ERICH6: variants seen among roughly 807,000 people sequenced by gnomAD.
ERICH6 encodes glutamate-rich protein 6.
A neutral mutation model predicts 71.0 loss-of-function variants in ERICH6; 71 were observed. The observed-to-expected ratio is 1.00, with a 90% CI of 0.83 to 1.22. The LOEUF (loss-of-function observed/expected upper bound fraction) is 1.22. ERICH6 is among the 50% of genes most tolerant of loss of function. The pLI is 0.00. For missense variants in ERICH6, 808 were observed against 797.2 expected (o/e 1.01, Z -0.16); for synonymous variants, 262 against 278.4 (o/e 0.94, Z 0.59).
intron 11 of ERICH6, among the ~76,000 whole-genome samples, chr3:150,670,768 T>C (rs987777273): frequency 2.0e-5 from 3 of 152,164 alleles, no homozygotes; most frequent in Non-Finnish European, 4.4e-5. Flanking sequence ...CTATTTTCAA[T>C]AGCATCAAAA....
chr3:150,703,524 G>C lies in ERICH6; in HGVS notation c.375C>G (p.Ser125Arg). The change falls in exon 1 of 14, where the codon AGC becomes AGG. Residue 125 changes from serine to arginine, a missense_variant. Coordinates refer to ENST00000295910, the MANE Select transcript of ERICH6 (RefSeq NM_152394.5). Reference sequence around the variant, plus strand: ...TATGCGAGGAGGTGCTGGAGGGTGGGCTTGCGCTCGGCGTTTCAGTGCTGG... The same window carrying C: ...TATGCGAGGAGGTGCTGGAGGGTGGCCTTGCGCTCGGCGTTTCAGTGCTGG... Reference protein sequence around the residue: ...SATSTETPSASPPSSTSSHKS... With the variant: ...SATSTETPSARPPSSTSSHKS... 1.2e-6 allele frequency: 2 copies of C among 1,608,470 alleles called. No homozygotes were observed. Among genetic ancestry groups the C allele is most frequent in the Non-Finnish European group, 1.7e-6 (2 of 1,177,464 alleles).
Position 150,685,961 on chromosome 3 carries a change from C to A in ERICH6, c.666+5G>T, listed in dbSNP as rs752858200. ...GTACTAGTTAGTATGATAAACATTT[C>A]TTACCTCCAGCTCATATAAAATATT... On this transcript the variant is annotated splice_donor_5th_base_variant and intron_variant, in intron 5 of 13. Transcript: ENST00000295910. 4 of 1,606,210 alleles carry A rather than the reference C, an allele frequency of 2.5e-6. No homozygotes were observed. Among genetic ancestry groups the A allele is most frequent in the Non-Finnish European group, 3.4e-6 (4 of 1,172,920 alleles).
chr3:150,670,812 C>G (rs6776589), intron 11 of ERICH6, among the ~76,000 whole-genome samples: 140,185 of 152,300 alleles, frequency 0.92, 64,572 homozygotes, highest in East Asian at 1. Context: ...TTCACTAACT[C>G]TTAATACTCA....
intron 2 of ERICH6, 35 bp from the exon 3 acceptor site, chr3:150,698,917 A>G (rs1712756269): frequency 1.4e-6 from 2 of 1,404,916 alleles, no homozygotes; most frequent in Non-Finnish European, 2.0e-6. Context: ...GAGTATACCT[A>G]TATAGTTGTT....
chr3:150,674,179 C>T lies in ERICH6; in HGVS notation c.1258-138G>A, dbSNP rs1396199006. 9.5e-6 allele frequency: 6 copies of T among 631,830 alleles called. 1 individual carries two copies. The highest frequency in any genetic ancestry group is 1.9e-5 in the African/African-American group (1 of 53,838). 39.1% of individuals were successfully genotyped at this position (631,830 alleles called of 1,614,324 possible). ...TTAAATGTTGGCCCTGCTTCAACAA[C>T]AGGAGACAACCCTTAGCAATTATTA... On this transcript the variant is annotated intron_variant, in intron 10 of 13. Coordinates refer to ENST00000295910, the MANE Select transcript of ERICH6 (RefSeq NM_152394.5).
At chr3:150,687,819 C>T (rs1007385730) in intron 3 of ERICH6, among the ~76,000 whole-genome samples, 6 of 152,144 alleles carry the variant, frequency 3.9e-5, no homozygotes, top group African/African-American at 1.4e-4. Flanking sequence ...GACAGATAGG[C>T]TTCAGAAGTT....
intron 10 of ERICH6, among the ~76,000 whole-genome samples, chr3:150,677,501 AAT>A (rs1039532389): frequency 6.6e-6 from 1 of 151,362 alleles, no homozygotes; most frequent in African/African-American, 2.4e-5. Context: ...ATGAAAAAAA[AAT>A]TTTTTTTTTT....
intron 11 of ERICH6, among the ~76,000 whole-genome samples, chr3:150,670,526 A>G (rs892696242): frequency 6.8e-5 from 10 of 147,236 alleles, no homozygotes; most frequent in South Asian, 4.3e-4. Flanking sequence ...AAGTTTAGGG[A>G]AAAAAAAAAG....
At chr3:150,672,640 A>C (rs898892805) in intron 11 of ERICH6, among the ~76,000 whole-genome samples, 4 of 146,174 alleles carry the variant, frequency 2.7e-5, no homozygotes, top group East Asian at 4.4e-4. Context: ...TTCTTTTTTT[A>C]TTTTTCTCTT....
chr3:150,682,825 C>G (rs891706684), intron 6 of ERICH6, among the ~76,000 whole-genome samples: 1 of 152,128 alleles, frequency 6.6e-6, no homozygotes, highest in African/African-American at 2.4e-5. Flanking sequence ...AATGAGAATC[C>G]TTTCTCTGGG....
intron 7 of ERICH6, among the ~76,000 whole-genome samples, chr3:150,681,448 T>C (rs1445109998): frequency 6.6e-6 from 1 of 152,242 alleles, no homozygotes; most frequent in Non-Finnish European, 1.5e-5. Flanking sequence ...ATTCATCCAT[T>C]GATGGACAGT....
In ERICH6 at chr3:150,692,562, T is replaced by A. The variant is rs550138161; in HGVS notation, c.554-6208A>T. On this transcript the variant is annotated intron_variant, in intron 3 of 13. Transcript: ENST00000295910. ...TATAAAAATTATACAGGAAGCACTG[T>A]CAAATATAAAATGATGTTTGGTTTT... 1.5e-4 allele frequency among the ~76,000 whole-genome samples: 23 copies of A among 152,320 alleles called. No homozygotes were observed. In the South Asian group the frequency reaches 4.3e-3, roughly 29 times the overall value.
intron 6 of ERICH6, among the ~76,000 whole-genome samples, chr3:150,683,988 T>C (rs1220315731): frequency 6.6e-6 from 1 of 152,208 alleles, no homozygotes; most frequent in African/African-American, 2.4e-5. Context: ...GCCTTCCCCA[T>C]GGTAAGACCC....
Position 150,701,384 on chromosome 3 carries a change from G to T in ERICH6, c.461+737C>A, listed in dbSNP as rs79303902. Among the ~76,000 whole-genome samples the T allele has an allele frequency of 2.3e-4, 32 of 141,638 alleles. No individual in the cohort carries two copies. In the East Asian group the frequency reaches 7.1e-3, roughly 32 times the overall value. The allele number at this position is 141,638 out of a possible 152,430, so 92.9% of individuals were successfully genotyped here. A position where few individuals can be genotyped will look rare whatever the true frequency, so the allele number is the denominator to read the frequency against. ...AAATGAAAATGTCATTTTAAATAAT[G>T]GAAACAAAACTGAAGGTGAGTGGGA... On this transcript the variant is annotated intron_variant, in intron 2 of 13. Transcript: ENST00000295910.
intron 9 of ERICH6, 54 bp downstream of exon 9, chr3:150,680,414 T>G: frequency 7.7e-6 from 12 of 1,560,520 alleles, no homozygotes; most frequent in Non-Finnish European, 9.7e-6. Flanking sequence ...GTTAAACATC[T>G]GAGCTTTCTG....
intron 13 of ERICH6, 125 bp from the exon 14 acceptor site, chr3:150,660,280 C>A: frequency 9.3e-7 from 1 of 1,071,312 alleles, no homozygotes; most frequent in Admixed American, 2.5e-5. Flanking sequence ...TCTAATTCAT[C>A]CGTAAGCAGG....
At chr3:150,695,777 C>T (rs925606823) in intron 3 of ERICH6, among the ~76,000 whole-genome samples, 1 of 147,812 alleles carries the variant, frequency 6.8e-6, no homozygotes, top group African/African-American at 2.5e-5. Context: ...ATAGTATATA[C>T]TATATATATA....
rs1713052431 is a variant in ERICH6, at chr3:150,703,763, CCTCCTCCTCCTCCACCTCT to C, written c.117_135del (p.Glu40LysfsTer53). 6.3e-7 allele frequency: 1 copy of C among 1,577,888 alleles called. No individual in the cohort carries two copies. The highest frequency in any genetic ancestry group is 8.6e-7 in the Non-Finnish European group (1 of 1,161,814). On this transcript the variant is annotated frameshift_variant, in exon 1 of 14. Coordinates refer to ENST00000295910, the MANE Select transcript of ERICH6 (RefSeq NM_152394.5). LOFTEE classifies it high-confidence loss of function. ...TCCTCCTCCTCCTCCTCCACCTCTTCCTCCTCCTCCTCCACCTCTTCCTCCTCCTCCTCCACCTCTTCCT... is the reference window on the plus strand; with the variant it reads ...TCCTCCTCCTCCTCCTCCACCTCTTCTCCTCCTCCTCCTCCACCTCTTCCT...
chr3:150,687,007 C>T (rs2108066616), intron 3 of ERICH6, among the ~76,000 whole-genome samples: 1 of 152,272 alleles, frequency 6.6e-6, no homozygotes, highest in South Asian at 2.1e-4. Context: ...CCTGTCTCTA[C>T]TAAAAATACA....
Sources: gnomAD v4.1 joint callset for allele counts (sites outside exome capture counted in the v4.1 genomes callset) on GRCh38, gnomAD v4.1.1 for gene constraint, MANE v1.5 for transcripts, NCBI Gene and HGNC (gene_info 2026-07-23, HGNC 2026-07-21) for gene names.